The following RARB variants were observed in gnomAD, a reference collection of about 807,000 sequenced individuals.
The protein encoded by RARB is HBV-activated protein.
RARB carries 17 observed loss-of-function variants against 51.9 expected under a neutral mutation model. That is an observed-to-expected ratio of 0.33 (90% confidence interval 0.22 to 0.49). RARB has a LOEUF of 0.49. Among genes scored for constraint, RARB ranks in the 20% least tolerant of loss-of-function variants. RARB has a pLI of 0.99. For synonymous variants in RARB, 215 were observed against 195.4 expected, an observed-to-expected ratio of 1.10 and a Z score of -0.84; for missense variants, 369 against 550.8, an observed-to-expected ratio of 0.67 and a Z score of 3.30.
chr3:25,485,598 A>G (rs1202690652), intron 2 of RARB, among the ~76,000 whole-genome samples: 1 of 152,222 alleles, frequency 6.6e-6, no homozygotes, highest in Non-Finnish European at 1.5e-5. Flanking sequence ...GGTTCTTTGT[A>G]TTAAATTATA....
intron 3 of RARB, among the ~76,000 whole-genome samples, chr3:25,094,311 C>T (rs1699254381): frequency 6.6e-6 from 1 of 152,152 alleles, no homozygotes; most frequent in Non-Finnish European, 1.5e-5. Flanking sequence ...AGCTATACCC[C>T]TATCAAATAT....
intron 2 of RARB, among the ~76,000 whole-genome samples, chr3:24,898,841 A>G (rs999214817): frequency 1.3e-5 from 2 of 152,198 alleles, no homozygotes; most frequent in Admixed American, 1.3e-4. Flanking sequence ...ACCAGGCTGC[A>G]CACCACATTC....
rs921503612 is a variant in RARB at position 25,064,652 on chromosome 3, A to G, written c.-328+4476A>G. On this transcript the variant is annotated intron_variant, in intron 3 of 11. Transcript: ENST00000383772. ...ATAGGAAGAGAGCTAATAAAACAACACTAGAAGGAAGTGTGGTTTTTCCAA... is the reference window on the plus strand; with the variant it reads ...ATAGGAAGAGAGCTAATAAAACAACGCTAGAAGGAAGTGTGGTTTTTCCAA... 2.0e-5 allele frequency among the ~76,000 whole-genome samples: 3 copies of G among 152,268 alleles called. No homozygotes were observed. In the East Asian group the frequency reaches 5.8e-4, roughly 29 times the overall value.
chr3:24,934,719 G>T (rs1475700886), intron 2 of RARB, among the ~76,000 whole-genome samples: 1 of 151,878 alleles, frequency 6.6e-6, no homozygotes, highest in Non-Finnish European at 1.5e-5. Flanking sequence ...AAAATGCTTG[G>T]CCATATTCCT....
rs950217144 is a variant in RARB at position 24,983,234 on chromosome 3, G to C, written c.-379-76891G>C. Among the ~76,000 whole-genome samples the C allele has an allele frequency of 3.3e-5, 5 of 151,664 alleles. No homozygotes were observed. In the South Asian group the frequency reaches 1.0e-3, roughly 31 times the overall value. ...CCTCATTATATCTTTTAGTAGAATT[G>C]TACCTGAGCACTTACATACTACAAT... On this transcript the variant is annotated intron_variant, in intron 2 of 11. Coordinates refer to the RARB transcript ENST00000383772.
At chr3:25,033,748 C>T (rs1456492698) in intron 2 of RARB, among the ~76,000 whole-genome samples, 1 of 152,160 alleles carries the variant, frequency 6.6e-6, no homozygotes, top group Non-Finnish European at 1.5e-5. Flanking sequence ...CAGCTTGGAA[C>T]CACACAGGGA....
At chr3:25,101,773 T>G (rs961485739) in intron 3 of RARB, among the ~76,000 whole-genome samples, 1 of 152,142 alleles carries the variant, frequency 6.6e-6, no homozygotes, top group South Asian at 2.1e-4. Context: ...CTATTTGTAA[T>G]TTTCTTTGAG....
intron 1 of RARB, among the ~76,000 whole-genome samples, chr3:25,439,269 G>C (rs9834818): frequency 0.77 from 116,384 of 152,104 alleles, 44,886 homozygotes; most frequent in Middle Eastern, 0.88. Context: ...TTATTTGCTA[G>C]GTATTTTAAG....
At chr3:25,292,630 T>C (rs1703817754) in intron 5 of RARB, among the ~76,000 whole-genome samples, 1 of 152,198 alleles carries the variant, frequency 6.6e-6, no homozygotes, top group Admixed American at 6.5e-5. Context: ...AAGATTTATA[T>C]TAATGCCTTC....
intron 5 of RARB, among the ~76,000 whole-genome samples, chr3:25,407,643 G>GCA (rs368511175): frequency 4.6e-5 from 7 of 151,706 alleles, no homozygotes; most frequent in Admixed American, 1.3e-4. Flanking sequence ...ATGCATGCAC[G>GCA]CACACACACA....
intron 5 of RARB, among the ~76,000 whole-genome samples, chr3:25,202,466 G>A (rs371561465): frequency 8.6e-5 from 13 of 151,986 alleles, no homozygotes; most frequent in African/African-American, 1.7e-4. Context: ...GTTATTTCTT[G>A]CCTTCTGCTA....
chr3:25,434,322 A>T (rs1708332049), intron 1 of RARB, among the ~76,000 whole-genome samples: 1 of 152,216 alleles, frequency 6.6e-6, no homozygotes, highest in Non-Finnish European at 1.5e-5. Context: ...GTCGTTTAAT[A>T]AAAGTGGATT....
chr3:25,335,479 A>G (rs1384135961), intron 5 of RARB, among the ~76,000 whole-genome samples: 1 of 152,154 alleles, frequency 6.6e-6, no homozygotes, highest in Non-Finnish European at 1.5e-5. Context: ...CATGTATTTT[A>G]TTGGCTTCTG....
At chr3:25,008,666 T>A (rs1697328048) in intron 2 of RARB, among the ~76,000 whole-genome samples, 1 of 152,048 alleles carries the variant, frequency 6.6e-6, no homozygotes, top group Admixed American at 6.6e-5. Context: ...TCACCATTAT[T>A]TTCTCCAGTT....
intron 2 of RARB, among the ~76,000 whole-genome samples, chr3:25,017,040 G>A (rs2125282783): frequency 6.6e-6 from 1 of 152,248 alleles, no homozygotes; most frequent in Non-Finnish European, 1.5e-5. Context: ...ACCAAAGTCA[G>A]CCCATGTTTA....
chr3:25,117,195 C>G (rs1699702579), intron 3 of RARB, among the ~76,000 whole-genome samples: 1 of 152,138 alleles, frequency 6.6e-6, no homozygotes, highest in Admixed American at 6.6e-5. Flanking sequence ...AGAGAACAAA[C>G]TGTTCAATAA....
At chr3:25,204,168 T>G (rs1387257983) in intron 5 of RARB, among the ~76,000 whole-genome samples, 3 of 152,206 alleles carry the variant, frequency 2.0e-5, no homozygotes, top group Non-Finnish European at 4.4e-5. Context: ...CTTGCTTCAT[T>G]TCATTAATTT....
At chr3:24,867,235 G>T (rs958005073) in intron 2 of RARB, among the ~76,000 whole-genome samples, 1 of 152,138 alleles carries the variant, frequency 6.6e-6, no homozygotes, top group Admixed American at 6.6e-5. Context: ...TACAAAGGTG[G>T]TTAAGTTTTG....
intron 3 of RARB, among the ~76,000 whole-genome samples, chr3:25,557,077 T>C (rs1225666012): frequency 6.6e-6 from 1 of 151,760 alleles, no homozygotes; most frequent in Non-Finnish European, 1.5e-5. Flanking sequence ...TTGGGTGTCT[T>C]TAGAGTAAAC....
Sources: allele counts gnomAD v4.1 joint callset (sites outside exome capture counted in the v4.1 genomes callset), GRCh38; gene constraint gnomAD v4.1.1; transcripts MANE v1.5; gene names NCBI Gene and HGNC (gene_info 2026-07-23, HGNC 2026-07-21).